Variants in RAB3C observed in about 807,000 individuals in gnomAD.
RAB3C encodes the protein ras-related protein Rab-3C.
In RAB3C, 17 loss-of-function variants were observed where a neutral mutation model predicts 26.4. That is an observed-to-expected ratio of 0.64 (90% CI 0.44 to 0.97). The LOEUF is 0.97. RAB3C is among the 50% of genes least tolerant of loss of function. The pLI is 0.00. For missense variants in RAB3C, 242 were observed against 281.9 expected (o/e 0.86, Z 1.01); for synonymous variants, 91 against 95.9 (o/e 0.95, Z 0.30).
At chr5:58,680,404 C>G (rs978553811) in intron 2 of RAB3C, among the ~76,000 whole-genome samples, 1 of 152,166 alleles carries the variant, frequency 6.6e-6, no homozygotes, top group African/African-American at 2.4e-5. Context: ...AATAAAATGA[C>G]CTGGACACTT....
In RAB3C at chr5:58,725,983, T is replaced by C; in HGVS notation, c.253-19T>C. The C allele has an allele frequency of 9.8e-7, 1 of 1,017,052 alleles. No homozygotes were observed. Among genetic ancestry groups the C allele is most frequent in the Non-Finnish European group, 1.4e-6 (1 of 716,562 alleles). The allele number at this position is 1,017,052 out of a possible 1,614,324, so 63.0% of individuals were successfully genotyped here. A position where few individuals can be genotyped will look rare whatever the true frequency, so the allele number is the denominator to read the frequency against. On this transcript the variant is annotated intron_variant, in intron 2 of 4. Transcript: ENST00000282878. ...TTGCCTTATTTCTGAGAGATTATCATTTTTTTTTTATTCTTTAGGACACAG... is the reference window on the plus strand; with the variant it reads ...TTGCCTTATTTCTGAGAGATTATCACTTTTTTTTTATTCTTTAGGACACAG...
intron 2 of RAB3C, among the ~76,000 whole-genome samples, chr5:58,699,929 C>T (rs35235161): frequency 2.4e-4 from 37 of 152,204 alleles, no homozygotes; most frequent in East Asian, 5.8e-4. Flanking sequence ...CTGGGTGAGG[C>T]GATGCCATGC....
chr5:58,625,974 C>T (rs535228669), intron 2 of RAB3C, among the ~76,000 whole-genome samples: 23 of 152,114 alleles, frequency 1.5e-4, no homozygotes, highest in African/African-American at 5.5e-4. Flanking sequence ...CCAATTAAAT[C>T]TTTTAATGAA....
rs187181637 is a variant in RAB3C at position 58,750,400 on chromosome 5, A to T, written c.371+24280A>T. Among the ~76,000 whole-genome samples, 305 of 152,348 alleles carry T rather than the reference A, an allele frequency of 2.0e-3. 3 individuals are homozygous for T. The highest frequency in any genetic ancestry group is 1.9e-3 in the Non-Finnish European group (131 of 68,024). On this transcript the variant is annotated intron_variant, in intron 3 of 4. Transcript: ENST00000282878. The stretch of plus-strand genomic sequence containing the variant: ...TCTTAATTCTCTTTAAGATTTTGGA[A>T]AATAAATGCATGATATATGTGTTGA...
At chr5:58,744,462 T>C (rs1741349396) in intron 3 of RAB3C, among the ~76,000 whole-genome samples, 1 of 152,350 alleles carries the variant, frequency 6.6e-6, no homozygotes, top group Non-Finnish European at 1.5e-5. Context: ...ATCGGCAGTG[T>C]ATGACATCTC....
chr5:58,818,695 A>T (rs1474725941), intron 3 of RAB3C, among the ~76,000 whole-genome samples: 1 of 152,222 alleles, frequency 6.6e-6, no homozygotes, highest in Non-Finnish European at 1.5e-5. Flanking sequence ...TGATTCAGAA[A>T]TAAATCATCT....
At chr5:58,830,996 C>G (rs575996456) in intron 4 of RAB3C, among the ~76,000 whole-genome samples, 1 of 152,196 alleles carries the variant, frequency 6.6e-6, no homozygotes, top group South Asian at 2.1e-4. Flanking sequence ...CCATCCAAGC[C>G]TCCCAAGCAA....
At chr5:58,700,531 A>G (rs1432609275) in intron 2 of RAB3C, among the ~76,000 whole-genome samples, 1 of 152,180 alleles carries the variant, frequency 6.6e-6, no homozygotes, top group Non-Finnish European at 1.5e-5. Context: ...AAGCTTGAGA[A>G]TGTCCTCCCA....
At chr5:58,617,286 G>C (rs1459611986) in intron 1 of RAB3C, among the ~76,000 whole-genome samples, 1 of 152,146 alleles carries the variant, frequency 6.6e-6, no homozygotes, top group East Asian at 1.9e-4. Context: ...GTCTCTGTCA[G>C]TAGGATTATA....
chr5:58,816,547 C>T (rs1441849327), intron 3 of RAB3C, among the ~76,000 whole-genome samples: 1 of 152,128 alleles, frequency 6.6e-6, no homozygotes, highest in Non-Finnish European at 1.5e-5. Flanking sequence ...GGAAGTCAGC[C>T]AACAAGCACA....
intron 3 of RAB3C, among the ~76,000 whole-genome samples, chr5:58,779,416 A>G (rs962881496): frequency 1.3e-5 from 2 of 151,326 alleles, no homozygotes; most frequent in Non-Finnish European, 2.9e-5. Context: ...GCAGTGGCTC[A>G]CTCTGTTGCC....
intron 2 of RAB3C, among the ~76,000 whole-genome samples, chr5:58,629,055 A>G (rs865879993): frequency 0.013 from 1,782 of 140,590 alleles, 44 homozygotes; most frequent in African/African-American, 0.044. Flanking sequence ...AAAAAAAAAA[A>G]GGTGAAATTT....
intron 3 of RAB3C, among the ~76,000 whole-genome samples, chr5:58,786,257 C>A (rs961389845): frequency 6.6e-6 from 1 of 152,210 alleles, no homozygotes; most frequent in Admixed American, 6.5e-5. Context: ...CAGACCTGAA[C>A]CTCAGCCCTT....
chr5:58,643,780 T>C (rs1001457532), intron 2 of RAB3C, among the ~76,000 whole-genome samples: 5 of 152,208 alleles, frequency 3.3e-5, no homozygotes, highest in Admixed American at 1.3e-4. Context: ...GATTTTCATC[T>C]ATATCAAGGT....
At chr5:58,691,777 T>G (rs2111859814) in intron 2 of RAB3C, among the ~76,000 whole-genome samples, 1 of 152,298 alleles carries the variant, frequency 6.6e-6, no homozygotes, top group African/African-American at 2.4e-5. Flanking sequence ...GGACTAGAGT[T>G]TATCTATTTT....
intron 3 of RAB3C, among the ~76,000 whole-genome samples, chr5:58,767,231 T>C (rs1053837436): frequency 6.6e-6 from 1 of 152,170 alleles, no homozygotes; most frequent in Non-Finnish European, 1.5e-5. Context: ...TTCTAGTGAG[T>C]TGAAGTGATG....
intron 3 of RAB3C, among the ~76,000 whole-genome samples, chr5:58,732,173 C>T (rs895714487): frequency 6.7e-6 from 1 of 150,370 alleles, no homozygotes; most frequent in African/African-American, 2.4e-5. Flanking sequence ...CATATGTATA[C>T]ATGTGCCATG....
At chr5:58,652,804 T>C (rs1443391607) in intron 2 of RAB3C, among the ~76,000 whole-genome samples, 5 of 152,286 alleles carry the variant, frequency 3.3e-5, no homozygotes, top group South Asian at 4.1e-4. Flanking sequence ...TATAATAGTT[T>C]CAGTATTTGG....
chr5:58,738,613 T>C (rs1741206978), intron 3 of RAB3C, among the ~76,000 whole-genome samples: 3 of 152,174 alleles, frequency 2.0e-5, no homozygotes, highest in African/African-American at 7.2e-5. Flanking sequence ...TCCATAAATA[T>C]TGACACTACA....
Sources: allele counts gnomAD v4.1 joint callset (sites outside exome capture counted in the v4.1 genomes callset), GRCh38; gene constraint gnomAD v4.1.1; transcripts MANE v1.5; gene names NCBI Gene and HGNC (gene_info 2026-07-23, HGNC 2026-07-21).